The following DHRSX variants were observed in gnomAD, a reference collection of about 807,000 sequenced individuals.
The protein encoded by DHRSX is dehydrogenase/reductase X-linked.
DHRSX carries 31 observed loss-of-function variants against 34.0 expected under a neutral mutation model. The ratio of observed to expected loss-of-function variants is 0.91; its 90% CI spans 0.69 to 1.23. The LOEUF is 1.23. DHRSX is among the 50% of genes most tolerant of loss of function. The pLI, the probability that DHRSX is intolerant of heterozygous loss-of-function variation, is 0.00. For synonymous variants in DHRSX, 201 were observed against 183.8 expected (o/e 1.09, Z -0.76); for missense variants, 414 against 428.1 (o/e 0.97, Z 0.29).
intron 4 of DHRSX, among the ~76,000 whole-genome samples, chrX:2,285,599 C>T (rs781265065): frequency 1.3e-5 from 2 of 152,216 alleles, no homozygotes; most frequent in Admixed American, 1.3e-4. Flanking sequence ...GGCCGGTGTC[C>T]TAACAGGCCA....
intron 3 of DHRSX, among the ~76,000 whole-genome samples, chrX:2,405,333 A>G (rs1030958544): frequency 1.3e-5 from 2 of 151,912 alleles, no homozygotes; most frequent in African/African-American, 4.8e-5. Flanking sequence ...CTAAAAATAC[A>G]AAAATTAGCC....
chrX:2,358,879 G>A (rs1444393624), intron 3 of DHRSX, among the ~76,000 whole-genome samples: 3 of 151,564 alleles, frequency 2.0e-5, no homozygotes, highest in South Asian at 2.1e-4. Flanking sequence ...AACCCGGGGA[G>A]CAGAGGTTGC....
intron 1 of DHRSX, chrX:2,487,476 C>T (rs58942031): frequency 0.072 from 11,013 of 152,300 alleles, 1,337 homozygotes; most frequent in African/African-American, 0.25. Flanking sequence ...GCGAATCTTC[C>T]GCCTCAGCCT....
chrX:2,291,808 G>A (rs754926481), intron 3 of DHRSX, among the ~76,000 whole-genome samples: 1 of 151,908 alleles, frequency 6.6e-6, no homozygotes, highest in Non-Finnish European at 1.5e-5. Context: ...CTGCTTCCTG[G>A]GTTCCAGTGA....
intron 3 of DHRSX, among the ~76,000 whole-genome samples, chrX:2,324,290 G>A (rs2042349556): frequency 6.6e-6 from 1 of 152,104 alleles, no homozygotes; most frequent in South Asian, 2.1e-4. Flanking sequence ...GGCGCTGCAT[G>A]AAGCCTGTCT....
chrX:2,310,827 G>A (rs1452922717), intron 3 of DHRSX, among the ~76,000 whole-genome samples: 3 of 151,926 alleles, frequency 2.0e-5, no homozygotes, highest in Non-Finnish European at 2.9e-5. Context: ...TTGGGAGGCC[G>A]AGGCGGGTGG....
chrX:2,413,263 G>T (rs1259903396), intron 2 of DHRSX, among the ~76,000 whole-genome samples: 4 of 152,132 alleles, frequency 2.6e-5, no homozygotes, highest in African/African-American at 4.8e-5. Context: ...GGGTTGCTGA[G>T]ATTTTGTTCA....
intron 1 of DHRSX, among the ~76,000 whole-genome samples, chrX:2,495,042 T>C (rs2040675395): frequency 6.6e-6 from 1 of 151,510 alleles, no homozygotes; most frequent in Admixed American, 6.6e-5. Flanking sequence ...GTTTATATTC[T>C]ATTGTCATTA....
At chrX:2,361,546 C>A (rs1281120785) in intron 3 of DHRSX, among the ~76,000 whole-genome samples, 1 of 152,048 alleles carries the variant, frequency 6.6e-6, no homozygotes, top group Non-Finnish European at 1.5e-5. Flanking sequence ...CTTTGAAACC[C>A]CTCAATTTTC....
At chrX:2,392,460 G>A in intron 3 of DHRSX, 1 of 308,070 alleles carries the variant, frequency 3.2e-6, no homozygotes, top group Admixed American at 3.3e-5. Context: ...GGGCAACACA[G>A]CAAGACTCAC....
At chrX:2,303,796 G>GA (rs1427771059) in intron 3 of DHRSX, among the ~76,000 whole-genome samples, 1 of 106,522 alleles carries the variant, frequency 9.4e-6, no homozygotes. Flanking sequence ...TGGATGGGTG[G>GA]GTGGGTGGGT....
At position 2,302,386 on chromosome X, in the gene DHRSX, C is replaced by T. The variant is rs145599523; in HGVS notation, c.287-10783G>A. ...CAGCACTTTGGGAGGCCAAAGCGGG[C>T]GGATCGCTTGAGGTCAGGAGCTCAA... On this transcript the variant is annotated intron_variant, in intron 3 of 6. Transcript: ENST00000334651. Among the ~76,000 whole-genome samples, 218 of 152,150 alleles carry T rather than the reference C, an allele frequency of 1.4e-3. 4 individuals are homozygous for T. In the East Asian group the frequency reaches 0.035, roughly 24 times the overall value.
intron 1 of DHRSX, chrX:2,490,506 G>A (rs1408900230): frequency 6.2e-7 from 1 of 1,613,978 alleles, no homozygotes; most frequent in South Asian, 1.1e-5. Flanking sequence ...AATTCCTCGG[G>A]GTGGTTCTTC....
intron 3 of DHRSX, among the ~76,000 whole-genome samples, chrX:2,346,077 G>C (rs1028371080): frequency 2.6e-5 from 4 of 152,096 alleles, no homozygotes; most frequent in African/African-American, 7.2e-5. Context: ...CGCCAAGGAG[G>C]AATTTCATCC....
intron 1 of DHRSX, among the ~76,000 whole-genome samples, chrX:2,464,137 C>G (rs960275851): frequency 6.6e-6 from 1 of 151,644 alleles, no homozygotes; most frequent in African/African-American, 2.4e-5. Flanking sequence ...CATGTACGCA[C>G]TGAAGACGCT....
chrX:2,413,328 C>T (rs1416066770), intron 2 of DHRSX, among the ~76,000 whole-genome samples: 1 of 125,696 alleles, frequency 8.0e-6, no homozygotes, highest in Non-Finnish European at 1.6e-5. Context: ...ATCTATTGTA[C>T]TTAAGGTGAC....
At chrX:2,459,671 G>A (rs1162955804) in intron 1 of DHRSX, among the ~76,000 whole-genome samples, 10 of 150,734 alleles carry the variant, frequency 6.6e-5, no homozygotes, top group Non-Finnish European at 4.4e-5. Flanking sequence ...CCATTTCCAG[G>A]CAGAAAGCAA....
chrX:2,276,103 A>G (rs1319811858), intron 4 of DHRSX, among the ~76,000 whole-genome samples: 1 of 152,154 alleles, frequency 6.6e-6, no homozygotes, highest in Non-Finnish European at 1.5e-5. Context: ...CGGCCTCCCA[A>G]AGTGCTGGGA....
intron 3 of DHRSX, among the ~76,000 whole-genome samples, chrX:2,317,633 A>T (rs1468738142): frequency 6.6e-6 from 1 of 150,890 alleles, no homozygotes; most frequent in African/African-American, 2.4e-5. Context: ...GGAAAGAAAA[A>T]AAAAAGAAGG....
Sources: allele counts gnomAD v4.1 joint callset (sites outside exome capture counted in the v4.1 genomes callset), GRCh38; gene constraint gnomAD v4.1.1; transcripts MANE v1.5; gene names NCBI Gene and HGNC (gene_info 2026-07-23, HGNC 2026-07-21).